Variants in ZBTB41 observed in about 807,000 individuals in gnomAD.
ZBTB41 encodes the protein zinc finger and BTB domain-containing protein 41.
Under a neutral mutation model 87.6 loss-of-function variants are expected in ZBTB41, and 42 were observed. That is an observed-to-expected ratio of 0.48 (90% confidence interval 0.37 to 0.62). The LOEUF is 0.62. Among genes scored for constraint, ZBTB41 ranks in the 20% least tolerant of loss-of-function variants. The pLI, the probability that ZBTB41 is intolerant of heterozygous loss-of-function variation, is 0.00. For synonymous variants in ZBTB41, 364 were observed against 364.0 expected (o/e 1.00, Z 0.00); for missense variants, 799 against 1,078.9 (o/e 0.74, Z 3.63).
intron 9 of ZBTB41, among the ~76,000 whole-genome samples, chr1:197,173,684 T>G (rs1301374010): frequency 1.3e-5 from 2 of 152,076 alleles, no homozygotes; most frequent in African/African-American, 4.8e-5. Context: ...TGAATTGAGG[T>G]TGTGAATAAT....
Position 197,200,246 on chromosome 1 carries a change from A to G in ZBTB41, c.228T>C (p.Tyr76=). 5.0e-6 allele frequency: 8 copies of G among 1,612,152 alleles called. No individual in the cohort carries two copies. The highest frequency in any genetic ancestry group is 4.4e-5 in the South Asian group (4 of 90,574). The change falls in exon 2 of 11, where the codon TAT becomes TAC. Residue 76 remains tyrosine (Y), a synonymous_variant. Coordinates refer to ENST00000367405, the MANE Select transcript of ZBTB41 (RefSeq NM_194314.3). ...GTTGCTTCTGCCTATCATCATTTAA[A>G]TATTTTAGCAAATTCTTATTATACT... ...SLQYNKNLLK[Y]LNDDRQKQPS...
intron 10 of ZBTB41, among the ~76,000 whole-genome samples, chr1:197,164,986 A>ACATATCTAATATATT (rs1571646889): frequency 4.5e-5 from 6 of 133,620 alleles, no homozygotes; most frequent in Non-Finnish European, 6.3e-5. Context: ...TATATATAAT[A>ACATATCTAATATATT]ATATAACCTC....
intron 9 of ZBTB41, among the ~76,000 whole-genome samples, chr1:197,172,980 C>T (rs1399468154): frequency 6.6e-6 from 1 of 151,898 alleles, no homozygotes; most frequent in East Asian, 1.9e-4. Context: ...CAATAAGTTA[C>T]CGAAAAGTTA....
In ZBTB41 at chr1:197,199,709, C is replaced by G. The variant is rs374974998; in HGVS notation, c.765G>C (p.Arg255Ser). Residue 255 changes from arginine (R) to serine (S), a missense_variant, in exon 2 of 11, where the codon AGG (arginine) becomes AGC (serine). Physicochemically the swap from Arg to Ser is moderately radical, Grantham distance 110. Around this residue, in one of 5 missense-constraint regions of ZBTB41, gnomAD observed 294 missense variants for 340.1 expected, o/e 0.86. Coordinates refer to ENST00000367405, the MANE Select transcript of ZBTB41 (RefSeq NM_194314.3). ...CAAACTTAACAGGGCACTTCCGATT[C>G]CTTTTTGATCTTCTTGCGGAGAAAC... ...ERSFSARRSK[R>S]NRKCPVKFDD... 18 of 1,613,346 alleles carry G rather than the reference C, an allele frequency of 1.1e-5. No individual in the cohort carries two copies. Among genetic ancestry groups the G allele is most frequent in the Non-Finnish European group, 1.5e-5 (18 of 1,179,904 alleles).
At chr1:197,183,255 CT>C (rs1312192451) in intron 5 of ZBTB41, among the ~76,000 whole-genome samples, 50 of 152,148 alleles carry the variant, frequency 3.3e-4, no homozygotes, top group Admixed American at 2.9e-3. Flanking sequence ...AGAATGAAAA[CT>C]ATGCCTGGCT....
rs946073073 is a variant in ZBTB41 at position 197,158,017 on chromosome 1, A to T, written c.*1342T>A. 6.6e-6 allele frequency: 1 copy of T among 152,388 alleles called. No homozygotes were observed. 9.4% of individuals were successfully genotyped at this position (152,388 alleles called of 1,614,324 possible). A position where few individuals can be genotyped will look rare whatever the true frequency, so the allele number is the denominator to read the frequency against. The stretch of plus-strand genomic sequence containing the variant: ...ATGTACAAATGACATGCTAATAATA[A>T]ATCAACCCTGTCTAGTCTAATCTTC... On this transcript the variant is annotated 3_prime_UTR_variant, in exon 11 of 11. Transcript: ENST00000367405.
intron 2 of ZBTB41, among the ~76,000 whole-genome samples, chr1:197,193,873 A>G (rs1660092808): frequency 6.6e-6 from 1 of 152,216 alleles, no homozygotes; most frequent in Non-Finnish European, 1.5e-5. Context: ...TGTAAAATCA[A>G]AAGTATACAG....
intron 8 of ZBTB41, chr1:197,175,870 A>C (rs1346535714): frequency 1.3e-5 from 2 of 151,932 alleles, no homozygotes; most frequent in Non-Finnish European, 2.9e-5. Flanking sequence ...ATCTCAGAAA[A>C]TTACTATCTG....
chr1:197,178,560 G>T, intron 6 of ZBTB41, 48 bp from the exon 7 acceptor site: 1 of 1,334,152 alleles, frequency 7.5e-7, no homozygotes, highest in Non-Finnish European at 1.0e-6. Context: ...CCTATATATA[G>T]TAAATAGATT....
chr1:197,178,582 T>TA, intron 6 of ZBTB41, 70 bp from the exon 7 acceptor site: 1 of 1,105,640 alleles, frequency 9.0e-7, no homozygotes, highest in East Asian at 2.8e-5. Flanking sequence ...CTGGAAAACT[T>TA]ACTAGAAAGG....
At chr1:197,189,128 C>T (rs1408120888) in intron 4 of ZBTB41, among the ~76,000 whole-genome samples, 1 of 152,092 alleles carries the variant, frequency 6.6e-6, no homozygotes, top group Non-Finnish European at 1.5e-5. Context: ...ACTTCAATTT[C>T]TAGAAGCTGA....
At chr1:197,187,431 G>GT (rs1261269216) in intron 5 of ZBTB41, among the ~76,000 whole-genome samples, 1 of 152,084 alleles carries the variant, frequency 6.6e-6, no homozygotes, top group Non-Finnish European at 1.5e-5. Flanking sequence ...GCTCCAGTCC[G>GT]TTATCTAAAG....
In ZBTB41 at chr1:197,199,585, C is replaced by A. The variant is rs1660252769; in HGVS notation, c.889G>T (p.Asp297Tyr). The change falls in exon 2 of 11, where the codon GAC becomes TAC. Residue 297 changes from aspartate to tyrosine, a missense_variant. Physicochemically the swap from Asp to Tyr is radical, Grantham distance 160. This residue lies in a region of ZBTB41 where 294 missense variants were observed against 340.1 expected (regional missense o/e 0.86). Transcript: ENST00000367405. The stretch of plus-strand genomic sequence containing the variant: ...TCAGCATTATATTCACTTCCAGGGT[C>A]CTCAGAATCATTTCTATCTGACTTT... ...KEKSDRNDSE[D>Y]PGSEYNAEED... The A allele has an allele frequency of 6.2e-7, 1 of 1,608,618 alleles. No individual in the cohort carries two copies. Among genetic ancestry groups the A allele is most frequent in the South Asian group, 1.1e-5 (1 of 89,784 alleles).
In ZBTB41 at chr1:197,188,300, A is replaced by G; in HGVS notation, c.1538T>C (p.Phe513Ser). ...AAAAGTAACTTGCTTACCCAGATGGAACTTTTCTTGATGCTTTAACCGAGC... is the reference window on the plus strand; with the variant it reads ...AAAAGTAACTTGCTTACCCAGATGGGACTTTTCTTGATGCTTTAACCGAGC... ...RFARLKHQEKFHLGPFPCDIC... is the reference protein window; with the variant it reads ...RFARLKHQEKSHLGPFPCDIC... The change falls in exon 5 of 11, where the codon TTC becomes TCC. Residue 513 changes from phenylalanine (F) to serine (S), a missense_variant. Physicochemically the swap from Phe to Ser is radical, Grantham distance 155. Around this residue, in one of 5 missense-constraint regions of ZBTB41, gnomAD observed 198 missense variants for 358.4 expected, o/e 0.55. Coordinates refer to ENST00000367405, the MANE Select transcript of ZBTB41 (RefSeq NM_194314.3). 6.2e-7 allele frequency: 1 copy of G among 1,612,446 alleles called. No homozygotes were observed. Among genetic ancestry groups the G allele is most frequent in the African/African-American group, 1.3e-5 (1 of 74,970 alleles).
intron 10 of ZBTB41, 150 bp from the exon 11 acceptor site, chr1:197,160,164 A>G: frequency 4.8e-6 from 3 of 630,656 alleles, no homozygotes; most frequent in South Asian, 2.1e-5. Flanking sequence ...CAGACAGTAC[A>G]ATAAACTGGT....
chr1:197,173,925 G>A (rs1485080861), intron 9 of ZBTB41, among the ~76,000 whole-genome samples: 1 of 152,056 alleles, frequency 6.6e-6, no homozygotes, highest in Non-Finnish European at 1.5e-5. Flanking sequence ...GCATATAATG[G>A]GTAGAAGCCA....
intron 10 of ZBTB41, 121 bp from the exon 11 acceptor site, chr1:197,160,135 T>A: frequency 1.4e-6 from 1 of 692,208 alleles, no homozygotes; most frequent in Non-Finnish European, 2.4e-6. Context: ...GCAATAATAC[T>A]GTATACTATC....
intron 6 of ZBTB41, among the ~76,000 whole-genome samples, chr1:197,179,433 A>C (rs139553450): frequency 1.4e-4 from 22 of 152,262 alleles, no homozygotes; most frequent in African/African-American, 5.3e-4. Flanking sequence ...TGTCCAGTAC[A>C]TAATTATTGA....
chr1:197,160,119 A>T lies in ZBTB41; in HGVS notation c.2075-105T>A. 3 of 765,216 alleles carry T rather than the reference A, an allele frequency of 3.9e-6. No homozygotes were observed. In the South Asian group the frequency reaches 5.4e-5, roughly 14 times the overall value. The allele number at this position is 765,216 out of a possible 1,614,324, so 47.4% of individuals were successfully genotyped here. On this transcript the variant is annotated intron_variant, in intron 10 of 10. Coordinates refer to ENST00000367405, the MANE Select transcript of ZBTB41 (RefSeq NM_194314.3). ...CAATGTGAATACTTGCCAGAACTTGATAATAGCAATAATACTGTATACTAT... is the reference window on the plus strand; with the variant it reads ...CAATGTGAATACTTGCCAGAACTTGTTAATAGCAATAATACTGTATACTAT...
Sources: gnomAD v4.1 joint callset for allele counts (sites outside exome capture counted in the v4.1 genomes callset) on GRCh38, gnomAD v4.1.1 for gene constraint, gnomAD v4.1.1 regional missense constraint, MANE v1.5 for transcripts, NCBI Gene and HGNC (gene_info 2026-07-23, HGNC 2026-07-21) for gene names.